Variants in OTUB2 observed in about 807,000 individuals in gnomAD.
The protein encoded by OTUB2 is OTU deubiquitinase, ubiquitin aldehyde binding 2, also known as ubiquitin thioesterase OTUB2.
Under a neutral mutation model 25.1 loss-of-function variants are expected in OTUB2, and 21 were observed. That is an observed-to-expected ratio of 0.84 (90% confidence interval 0.59 to 1.21). OTUB2 has a LOEUF of 1.21. OTUB2 is among the 50% of genes most tolerant of loss of function. The pLI is 0.00. For missense variants in OTUB2, 283 were observed against 298.0 expected, an observed-to-expected ratio of 0.95 and a Z score of 0.37; for synonymous variants, 122 against 122.8, an observed-to-expected ratio of 0.99 and a Z score of 0.04.
chr14:94,037,140 G>A (rs1479205979), intron 1 of OTUB2, among the ~76,000 whole-genome samples: 1 of 152,166 alleles, frequency 6.6e-6, no homozygotes, highest in African/African-American at 2.4e-5. Context: ...GTAAAAAGAT[G>A]AGTTTCCTTA....
chr14:94,045,739 G>A lies in OTUB2; in HGVS notation c.522G>A (p.Glu174=), dbSNP rs776808873. The A allele has an allele frequency of 6.2e-6, 10 of 1,614,090 alleles. No homozygotes were observed. In the East Asian group the frequency reaches 2.2e-4, roughly 36 times the overall value. Reference sequence around the variant, plus strand: ...AGGAAGTAGAGCCCATGGCCACGGAGTGTGACCACATCCAGATCACGGCGT... The same window carrying A: ...AGGAAGTAGAGCCCATGGCCACGGAATGTGACCACATCCAGATCACGGCGT... ...CTHEVEPMAT[E]CDHIQITALS... The change falls in exon 6 of 6, where the codon GAG becomes GAA. Residue 174 remains glutamate (E), a synonymous_variant. Transcript: ENST00000203664.
Position 94,048,339 on chromosome 14 carries a change from T to A in OTUB2, c.*2417T>A, listed in dbSNP as rs900760814. The stretch of plus-strand genomic sequence containing the variant: ...GATACTTTCTCTCCAAAGGAAACTT[T>A]TAAATCAATGGGAACAATTAGCAAC... On this transcript the variant is annotated 3_prime_UTR_variant, in exon 6 of 6. Transcript: ENST00000203664. 20 of 152,338 alleles carry A rather than the reference T, an allele frequency of 1.3e-4. No individual in the cohort carries two copies. Among genetic ancestry groups the A allele is most frequent in the African/African-American group, 4.6e-4 (19 of 41,580 alleles). 9.4% of individuals were successfully genotyped at this position (152,338 alleles called of 1,614,324 possible). A position where few individuals can be genotyped will look rare whatever the true frequency, so the allele number is the denominator to read the frequency against.
rs1884857640 is a variant in OTUB2, at chr14:94,026,358, G to T, written c.-180G>T. The T allele has an allele frequency of 8.1e-7, 1 of 1,231,076 alleles. No individual in the cohort carries two copies. The highest frequency in any genetic ancestry group is 1.6e-5 in the African/African-American group (1 of 64,130). The allele number at this position is 1,231,076 out of a possible 1,614,324, so 76.3% of individuals were successfully genotyped here. A position where few individuals can be genotyped will look rare whatever the true frequency, so the allele number is the denominator to read the frequency against. The stretch of plus-strand genomic sequence containing the variant: ...CAATCGCAGGGCGTGTGTCTTGCTG[G>T]GACACAGTGGAGGTCTAACCTTTGG... On this transcript the variant is annotated 5_prime_UTR_variant, in exon 1 of 6. Transcript: ENST00000203664.
intron 4 of OTUB2, 96 bp from the exon 5 acceptor site, chr14:94,044,490 G>C (rs544486436): frequency 4.8e-6 from 6 of 1,256,136 alleles, no homozygotes; most frequent in Non-Finnish European, 5.5e-6. Flanking sequence ...GAAAATGCAC[G>C]TGAGGGCTTC....
intron 1 of OTUB2, among the ~76,000 whole-genome samples, chr14:94,035,717 T>C (rs1885043804): frequency 1.3e-5 from 2 of 152,174 alleles, no homozygotes; most frequent in South Asian, 4.1e-4. Flanking sequence ...CAGAATAAAG[T>C]GTAAGTTCAA....
chr14:94,032,014 T>A (rs1209817959), intron 1 of OTUB2, among the ~76,000 whole-genome samples: 3 of 152,162 alleles, frequency 2.0e-5, no homozygotes, highest in African/African-American at 7.2e-5. Flanking sequence ...GCTAGTAAAT[T>A]GAGGGTGTGC....
chr14:94,032,642 A>T (rs748173974), intron 1 of OTUB2, among the ~76,000 whole-genome samples: 1 of 152,186 alleles, frequency 6.6e-6, no homozygotes, highest in Non-Finnish European at 1.5e-5. Flanking sequence ...AATGTACTTA[A>T]GGCCACTGAA....
intron 1 of OTUB2, among the ~76,000 whole-genome samples, chr14:94,035,211 C>T (rs751076907): frequency 1.3e-5 from 2 of 152,084 alleles, no homozygotes; most frequent in Non-Finnish European, 2.9e-5. Flanking sequence ...TTCCCACCCC[C>T]CAAGTGTTTG....
chr14:94,045,640 G>T (rs1055585663), intron 5 of OTUB2, 76 bp from the exon 6 acceptor site: 8 of 1,427,372 alleles, frequency 5.6e-6, no homozygotes, highest in Non-Finnish European at 7.7e-6. Flanking sequence ...ATGACCCTGA[G>T]AGCCAGAGCT....
intron 3 of OTUB2, among the ~76,000 whole-genome samples, chr14:94,040,986 A>T (rs1335908649): frequency 6.6e-6 from 1 of 152,204 alleles, no homozygotes; most frequent in Non-Finnish European, 1.5e-5. Context: ...ATTGCGCAGC[A>T]CGGGGGACCT....
chr14:94,042,297 C>A (rs998836209), intron 3 of OTUB2, among the ~76,000 whole-genome samples: 2 of 152,112 alleles, frequency 1.3e-5, no homozygotes, highest in African/African-American at 4.8e-5. Context: ...ACTTGCACCC[C>A]CTCCAAGCCC....
chr14:94,029,937 T>A (rs1884928869), intron 1 of OTUB2, among the ~76,000 whole-genome samples: 1 of 152,110 alleles, frequency 6.6e-6, no homozygotes, highest in African/African-American at 2.4e-5. Flanking sequence ...GCCACCTGCA[T>A]CTTGGGAAAG....
intron 3 of OTUB2, chr14:94,039,381 TGAAAAGAAAA>T (rs780702457): frequency 5.0e-6 from 2 of 398,454 alleles, no homozygotes; most frequent in Non-Finnish European, 9.0e-6. Flanking sequence ...TGACCCACTC[TGAAAAGAAAA>T]GAAAAGACAA....
At chr14:94,041,996 C>T (rs376928593) in intron 3 of OTUB2, among the ~76,000 whole-genome samples, 1 of 152,242 alleles carries the variant, frequency 6.6e-6, no homozygotes, top group Non-Finnish European at 1.5e-5. Flanking sequence ...CACTGTCTCC[C>T]TGTGTGCAGT....
chr14:94,045,302 G>A (rs1049773518), intron 5 of OTUB2, among the ~76,000 whole-genome samples: 5 of 152,010 alleles, frequency 3.3e-5, no homozygotes, highest in African/African-American at 9.7e-5. Context: ...ACCCGGACTC[G>A]CACCCTCACT....
chr14:94,033,090 T>G (rs1411031616), intron 1 of OTUB2, among the ~76,000 whole-genome samples: 1 of 152,130 alleles, frequency 6.6e-6, no homozygotes, highest in Admixed American at 6.5e-5. Context: ...TTTTGTATTT[T>G]TAGTGGAGAC....
At chr14:94,035,006 A>G (rs1223328422) in intron 1 of OTUB2, among the ~76,000 whole-genome samples, 1 of 152,234 alleles carries the variant, frequency 6.6e-6, no homozygotes, top group Non-Finnish European at 1.5e-5. Context: ...AATGGGTCAC[A>G]GCTGATGAGA....
intron 1 of OTUB2, among the ~76,000 whole-genome samples, chr14:94,034,047 G>A (rs1246018238): frequency 6.6e-6 from 1 of 152,200 alleles, no homozygotes; most frequent in Non-Finnish European, 1.5e-5. Flanking sequence ...TAAGTCAGAG[G>A]CCTGCCCACT....
intron 3 of OTUB2, among the ~76,000 whole-genome samples, chr14:94,039,814 C>A (rs1215938248): frequency 6.6e-6 from 1 of 152,144 alleles, no homozygotes; most frequent in Non-Finnish European, 1.5e-5. Context: ...TCTCAGAGCC[C>A]TTAGAGGCTT....
Sources: gnomAD v4.1 joint callset for allele counts (sites outside exome capture counted in the v4.1 genomes callset) on GRCh38, gnomAD v4.1.1 for gene constraint, MANE v1.5 for transcripts, NCBI Gene and HGNC (gene_info 2026-07-23, HGNC 2026-07-21) for gene names.